The following GRIA1 variants were observed in gnomAD, a reference collection of about 807,000 sequenced individuals.
GRIA1 encodes glutamate ionotropic receptor AMPA type subunit 1, also known as glutamate receptor 1.
In GRIA1, 31 loss-of-function variants were observed where a neutral mutation model predicts 99.2. That is an observed-to-expected ratio of 0.31 (90% CI 0.23 to 0.42). GRIA1 has a LOEUF of 0.42. Ranked by LOEUF, GRIA1 falls within the 10% of genes least tolerant of loss-of-function variation. GRIA1 has a pLI of 1.00. For missense variants in GRIA1, 782 were observed against 1,157.5 expected (o/e 0.68, Z 4.71); for synonymous variants, 438 against 432.4 (o/e 1.01, Z -0.16).
chr5:153,584,969 TCTTC>T, intron 2 of GRIA1, among the ~76,000 whole-genome samples: 1 of 152,228 alleles, frequency 6.6e-6, no homozygotes, highest in Non-Finnish European at 1.5e-5. Context: ...AAGGAAAGGG[TCTTC>T]CTTGTGATCA....
intron 15 of GRIA1, among the ~76,000 whole-genome samples, chr5:153,810,660 A>C (rs1766751123): frequency 6.6e-6 from 1 of 152,228 alleles, no homozygotes; most frequent in Non-Finnish European, 1.5e-5. Flanking sequence ...CAAGTTTCCA[A>C]ACCCCTTTCC....
Position 153,764,479 on chromosome 5 carries a change from C to G in GRIA1, c.1869C>G (p.Thr623=). Residue 623 remains threonine, a synonymous_variant, in exon 12 of 16, where the codon ACC becomes ACG. Transcript: ENST00000285900. ...RIVGGVWWFF[T]LIIISSYTAN... ...TTGGTGGCGTCTGGTGGTTCTTCAC[C>G]TTAATCATCATCTCCTCATATACAG... The G allele has an allele frequency of 6.2e-7, 1 of 1,614,048 alleles. No individual in the cohort carries two copies. Among genetic ancestry groups the G allele is most frequent in the Non-Finnish European group, 8.5e-7 (1 of 1,179,938 alleles).
intron 2 of GRIA1, among the ~76,000 whole-genome samples, chr5:153,616,297 G>T (rs1411430940): frequency 6.6e-6 from 1 of 152,048 alleles, no homozygotes; most frequent in Non-Finnish European, 1.5e-5. Context: ...TTAGAATCCG[G>T]TGTGTTTCCT....
At chr5:153,520,507 T>A (rs575582133) in intron 2 of GRIA1, among the ~76,000 whole-genome samples, 1 of 152,328 alleles carries the variant, frequency 6.6e-6, no homozygotes, top group Admixed American at 6.5e-5. Flanking sequence ...AGGGCCTACC[T>A]ACAAAAATTG....
intron 8 of GRIA1, among the ~76,000 whole-genome samples, chr5:153,686,921 T>C (rs913394302): frequency 1.3e-5 from 2 of 152,188 alleles, no homozygotes; most frequent in Non-Finnish European, 2.9e-5. Context: ...TAACCCTTGA[T>C]ACTTCCTTCA....
chr5:153,493,635 G>GAGAAATGGC (rs1164586031), intron 1 of GRIA1, among the ~76,000 whole-genome samples: 2 of 152,208 alleles, frequency 1.3e-5, no homozygotes, highest in African/African-American at 4.8e-5. Flanking sequence ...GGAGGAAGAA[G>GAGAAATGGC]AGAAATGGCA....
At chr5:153,766,832 A>T (rs1763549509) in intron 12 of GRIA1, among the ~76,000 whole-genome samples, 1 of 152,226 alleles carries the variant, frequency 6.6e-6, no homozygotes, top group Non-Finnish European at 1.5e-5. Context: ...TTAAAATTTC[A>T]AAAGTCTTTG....
intron 3 of GRIA1, among the ~76,000 whole-genome samples, chr5:153,648,463 C>T (rs1220969749): frequency 6.6e-6 from 1 of 152,114 alleles, no homozygotes; most frequent in African/African-American, 2.4e-5. Context: ...AGCTCAGAGC[C>T]CTGCCGTTTG....
At chr5:153,719,431 A>T (rs1012567261) in intron 11 of GRIA1, among the ~76,000 whole-genome samples, 9 of 151,884 alleles carry the variant, frequency 5.9e-5, no homozygotes, top group African/African-American at 1.9e-4. Context: ...AATCTAGAAG[A>T]CTGTGGATAA....
At chr5:153,739,784 GGAA>G (rs1410659283) in intron 11 of GRIA1, among the ~76,000 whole-genome samples, 1 of 152,112 alleles carries the variant, frequency 6.6e-6, no homozygotes, top group African/African-American at 2.4e-5. Context: ...ATCTCTCATG[GGAA>G]GAAGATTTAT....
intron 11 of GRIA1, among the ~76,000 whole-genome samples, chr5:153,709,802 T>C (rs1018174680): frequency 3.3e-5 from 5 of 152,200 alleles, no homozygotes; most frequent in African/African-American, 1.2e-4. Context: ...TTCTTTCTCA[T>C]TGGTCAGGAC....
At chr5:153,763,291 C>T (rs962881182) in intron 11 of GRIA1, among the ~76,000 whole-genome samples, 1 of 152,086 alleles carries the variant, frequency 6.6e-6, no homozygotes, top group Non-Finnish European at 1.5e-5. Flanking sequence ...CCAACAGGCC[C>T]GCGTACTGCT....
intron 11 of GRIA1, among the ~76,000 whole-genome samples, chr5:153,716,907 C>A (rs548065282): frequency 6.6e-6 from 1 of 152,148 alleles, no homozygotes; most frequent in Non-Finnish European, 1.5e-5. Flanking sequence ...AAGATGTGTG[C>A]GTAAGGACAT....
rs780947693 is a variant in GRIA1, at chr5:153,490,861, C to T, written c.-28C>T. 1.9e-6 allele frequency: 3 copies of T among 1,550,218 alleles called. No homozygotes were observed. Among genetic ancestry groups the T allele is most frequent in the Non-Finnish European group, 2.7e-6 (3 of 1,121,894 alleles). ...CACCAAATCTATGATTGGACCTGGG[C>T]TTCTTTTTCGCCAATGCAAAAAGGA... On this transcript the variant is annotated 5_prime_UTR_variant, in exon 1 of 16. Coordinates refer to ENST00000285900, the MANE Select transcript of GRIA1 (RefSeq NM_000827.4).
chr5:153,623,144 C>T (rs766074883), intron 2 of GRIA1, among the ~76,000 whole-genome samples: 1 of 152,138 alleles, frequency 6.6e-6, no homozygotes, highest in African/African-American at 2.4e-5. Context: ...TTTTATCAAG[C>T]CTGTCAATTC....
chr5:153,701,481 GT>G (rs1758512979), intron 10 of GRIA1, among the ~76,000 whole-genome samples: 1 of 151,808 alleles, frequency 6.6e-6, no homozygotes, highest in African/African-American at 2.4e-5. Context: ...GGGCATGGTA[GT>G]GGGCGCCTGT....
At chr5:153,619,817 A>C (rs138358078) in intron 2 of GRIA1, among the ~76,000 whole-genome samples, 2 of 152,184 alleles carry the variant, frequency 1.3e-5, no homozygotes, top group South Asian at 4.1e-4. Flanking sequence ...TGGCAAGAAC[A>C]CTAAACTTAA....
At chr5:153,797,402 A>G (rs1765714713) in intron 14 of GRIA1, among the ~76,000 whole-genome samples, 1 of 152,236 alleles carries the variant, frequency 6.6e-6, no homozygotes, top group Admixed American at 6.5e-5. Flanking sequence ...ACTGCCCTAG[A>G]GGAAGGGACT....
Position 153,705,662 on chromosome 5 carries a change from ATTTTTTTTTTTTTTTT to A in GRIA1, c.1453-19_1453-4del, listed in dbSNP as rs70978505. On this transcript the variant is annotated intron_variant, in intron 10 of 15. Coordinates refer to ENST00000285900, the MANE Select transcript of GRIA1 (RefSeq NM_000827.4). ...GAAAAGGGCTGCTGAGCTCACCTGCATTTTTTTTTTTTTTTTTTTTTTTTTTTTTTTCAGAGAGCAG... is the reference window on the plus strand; with the variant it reads ...GAAAAGGGCTGCTGAGCTCACCTGCATTTTTTTTTTTTTTTCAGAGAGCAG... 30 of 752,728 alleles carry A rather than the reference ATTTTTTTTTTTTTTTT, an allele frequency of 4.0e-5. No homozygotes were observed. Among genetic ancestry groups the A allele is most frequent in the African/African-American group, 3.9e-4 (9 of 23,272 alleles). 46.6% of individuals were successfully genotyped at this position (752,728 alleles called of 1,614,324 possible). A position where few individuals can be genotyped will look rare whatever the true frequency, so the allele number is the denominator to read the frequency against.
Sources: gnomAD v4.1 joint callset for allele counts (sites outside exome capture counted in the v4.1 genomes callset) on GRCh38, gnomAD v4.1.1 for gene constraint, MANE v1.5 for transcripts, NCBI Gene and HGNC (gene_info 2026-07-23, HGNC 2026-07-21) for gene names.